Variants in CASK observed in about 807,000 individuals in gnomAD.
CASK encodes peripheral plasma membrane protein CASK.
In CASK, 4 loss-of-function variants were observed where a neutral mutation model predicts 82.9. The ratio of observed to expected loss-of-function variants is 0.05; its 90% CI spans 0.02 to 0.11. CASK has a LOEUF of 0.11. CASK is among the 10% of genes least tolerant of loss of function. CASK has a pLI of 1.00. For synonymous variants in CASK, 259 were observed against 253.5 expected, an observed-to-expected ratio of 1.02 and a Z score of -0.20; for missense variants, 358 against 720.9, an observed-to-expected ratio of 0.50 and a Z score of 5.76.
chrX:41,727,036 A>G (rs2068272759), intron 5 of CASK: 1 of 1,131,928 alleles, frequency 8.8e-7, no homozygotes, highest in African/African-American at 1.8e-5. Context: ...AATGAACAAC[A>G]ATACAACATG....
intron 3 of CASK, among the ~76,000 whole-genome samples, chrX:41,777,391 C>A (rs749047193): frequency 9.2e-6 from 1 of 108,447 alleles, no homozygotes; most frequent in East Asian, 2.9e-4. Flanking sequence ...ACTCGGGAGG[C>A]TGAGGCACGA....
rs57963407 is a variant in CASK at position 41,710,081 on chromosome X, T to TTGTGTGTGTGTGTGTGTG, written c.429+29285_429+29302dup. Among the ~76,000 whole-genome samples the TTGTGTGTGTGTGTGTGTG allele has an allele frequency of 8.1e-3, 586 of 72,162 alleles. 7 individuals carry two copies. Among genetic ancestry groups the TTGTGTGTGTGTGTGTGTG allele is most frequent in the Non-Finnish European group, 0.012 (454 of 38,839 alleles). The allele number at this position is 72,162 out of a possible 115,157, so 62.7% of individuals were successfully genotyped here. A position where few individuals can be genotyped will look rare whatever the true frequency, so the allele number is the denominator to read the frequency against. On this transcript the variant is annotated intron_variant, in intron 5 of 26. Transcript: ENST00000378163. ...GTCACTGTTTCCCAGGGTATAGATT[T>TTGTGTGTGTGTGTGTGTG]TGTGTGTGTGTGTGTGTGTGTGTGT...
Position 41,656,437 on chromosome X carries a change from G to A in CASK, c.831+4002C>T, listed in dbSNP as rs982759279. ...TGATGAGAATACCATAAAAAAGCCA[G>A]AACAGAAGATATTGCACATATTTGG... On this transcript the variant is annotated intron_variant, in intron 8 of 26. Transcript: ENST00000378163. 1.8e-5 allele frequency among the ~76,000 whole-genome samples: 2 copies of A among 112,032 alleles called. 1 individual carries two copies. Among genetic ancestry groups the A allele is most frequent in the Admixed American group, 1.9e-4 (2 of 10,590 alleles).
intron 18 of CASK, chrX:41,559,063 A>G (rs1016959315): frequency 6.2e-5 from 7 of 112,234 alleles, no homozygotes; most frequent in African/African-American, 2.3e-4. Context: ...ATGCCCATTT[A>G]TATTTCCAAT....
intron 8 of CASK, among the ~76,000 whole-genome samples, chrX:41,641,953 T>A (rs2066664050): frequency 1.0e-5 from 1 of 98,044 alleles, no homozygotes; most frequent in Admixed American, 1.2e-4. Context: ...TGTCCAAGTG[T>A]TCTCATTGTT....
chrX:41,837,643 T>C (rs1427826055), intron 2 of CASK, among the ~76,000 whole-genome samples: 1 of 112,525 alleles, frequency 8.9e-6, no homozygotes, highest in Admixed American at 9.4e-5. Context: ...TCTTGAGATC[T>C]ATCCAAGTAG....
At chrX:41,699,136 G>T (rs944862867) in intron 5 of CASK, among the ~76,000 whole-genome samples, 101 of 110,540 alleles carry the variant, frequency 9.1e-4, no homozygotes, top group African/African-American at 3.3e-3. Flanking sequence ...TGTTGGCCAG[G>T]CTGGTCTCGA....
chrX:41,828,516 C>T (rs1242083863), intron 2 of CASK, among the ~76,000 whole-genome samples: 1 of 111,812 alleles, frequency 8.9e-6, no homozygotes, highest in African/African-American at 3.3e-5. Flanking sequence ...GGTGAAGCTC[C>T]TCAGAAACCT....
chrX:41,683,596 TC>T (rs2067397958), intron 5 of CASK: 1 of 112,220 alleles, frequency 8.9e-6, no homozygotes, highest in African/African-American at 3.2e-5. Flanking sequence ...CACTTGAGGC[TC>T]CCTTGATGCA....
chrX:41,543,985 CAT>C (rs780828391), intron 21 of CASK, among the ~76,000 whole-genome samples: 16 of 112,070 alleles, frequency 1.4e-4, no homozygotes, highest in African/African-American at 2.9e-4. Flanking sequence ...ATCATTTTTT[CAT>C]ATGTTTAATG....
At chrX:41,520,815 T>C (rs1165442231) in intron 26 of CASK, among the ~76,000 whole-genome samples, 1 of 111,854 alleles carries the variant, frequency 8.9e-6, no homozygotes, top group Admixed American at 9.4e-5. Context: ...AGAGGGTCCA[T>C]GACAAAGCAG....
intron 13 of CASK, among the ~76,000 whole-genome samples, chrX:41,588,710 T>C (rs2065695954): frequency 9.1e-6 from 1 of 110,068 alleles, no homozygotes; most frequent in Non-Finnish European, 1.9e-5. Context: ...AGAAAAATGT[T>C]TATTTGCACA....
rs144965005 is a variant in CASK, at chrX:41,801,002, G to A, written c.173-13719C>T. Among the ~76,000 whole-genome samples, 755 of 111,706 alleles carry A rather than the reference G, an allele frequency of 6.8e-3. 2 individuals are homozygous for A. The highest frequency in any genetic ancestry group is 0.023 in the Middle Eastern group (5 of 217). ...AGGTTGCACTGAACTAGTCCAGCAA[G>A]TAACTAAAAAAGAATAACCCTGGAG... is the stretch of plus-strand genomic sequence containing the variant. On this transcript the variant is annotated intron_variant, in intron 2 of 26. Coordinates refer to ENST00000378163, the MANE Select transcript of CASK (RefSeq NM_001367721.1).
intron 6 of CASK, among the ~76,000 whole-genome samples, chrX:41,668,986 A>G (rs2067156893): frequency 9.0e-6 from 1 of 111,466 alleles, no homozygotes; most frequent in Admixed American, 9.5e-5. Context: ...CAGCCTCCCA[A>G]AGTGCTGGAA....
In CASK at chrX:41,531,256, G is replaced by C. The variant is rs150078824; in HGVS notation, c.2318-47C>G. 1.2e-3 allele frequency: 1,180 copies of C among 966,681 alleles called. 9 individuals carry two copies. In the African/African-American group the frequency reaches 0.019, roughly 16 times the overall value. The allele number at this position is 966,681 out of a possible 1,213,427, so 79.7% of individuals were successfully genotyped here. A position where few individuals can be genotyped will look rare whatever the true frequency, so the allele number is the denominator to read the frequency against. ...GAGGTTTAAAAGGCTGAGCTGATGA[G>C]CTTACTACACTCCCAACAGATTTAC... On this transcript the variant is annotated intron_variant, in intron 24 of 26. Coordinates refer to ENST00000378163, the MANE Select transcript of CASK (RefSeq NM_001367721.1).
chrX:41,753,804 T>C (rs2147757782), intron 3 of CASK, among the ~76,000 whole-genome samples: 1 of 111,761 alleles, frequency 8.9e-6, no homozygotes, highest in Non-Finnish European at 1.9e-5. Context: ...AAGGCTTGAT[T>C]GAATCCAGGA....
intron 1 of CASK, among the ~76,000 whole-genome samples, chrX:41,868,829 G>A (rs1311502952): frequency 1.8e-5 from 2 of 110,955 alleles, no homozygotes; most frequent in African/African-American, 6.6e-5. Flanking sequence ...ACTTCTTCTG[G>A]GGCTCATCTG....
intron 5 of CASK, among the ~76,000 whole-genome samples, chrX:41,730,312 A>G (rs905013668): frequency 8.1e-5 from 9 of 111,397 alleles, no homozygotes; most frequent in African/African-American, 2.9e-4. Flanking sequence ...CCCAAGAGCC[A>G]TGTGTTCAAA....
At chrX:41,849,268 C>T (rs931034898) in intron 2 of CASK, among the ~76,000 whole-genome samples, 40 of 111,696 alleles carry the variant, frequency 3.6e-4, no homozygotes, top group African/African-American at 1.3e-3. Context: ...TCTTACTTTC[C>T]TTTAGTTTCC....
Sources: gnomAD v4.1 joint callset for allele counts (sites outside exome capture counted in the v4.1 genomes callset) on GRCh38, gnomAD v4.1.1 for gene constraint, MANE v1.5 for transcripts, NCBI Gene and HGNC (gene_info 2026-07-23, HGNC 2026-07-21) for gene names.